Variants in BCAR3 observed in about 807,000 individuals in gnomAD.
The protein encoded by BCAR3 is breast cancer anti-estrogen resistance protein 3.
A neutral mutation model predicts 80.1 loss-of-function variants in BCAR3; 37 were observed. That is an observed-to-expected ratio of 0.46 (90% CI 0.36 to 0.61). BCAR3 has a LOEUF of 0.61. Among genes scored for constraint, BCAR3 ranks in the 20% least tolerant of loss-of-function variants. The pLI is 0.00. For missense variants in BCAR3, 978 were observed against 1,068.2 expected, an observed-to-expected ratio of 0.92 and a Z score of 1.18; for synonymous variants, 389 against 418.9, an observed-to-expected ratio of 0.93 and a Z score of 0.87.
intron 3 of BCAR3, among the ~76,000 whole-genome samples, chr1:93,606,831 G>A (rs1674785126): frequency 6.6e-6 from 1 of 152,210 alleles, no homozygotes; most frequent in Admixed American, 6.5e-5. Flanking sequence ...AAGGACACAG[G>A]AGAACAAACA....
upstream of BCAR3, among the ~76,000 whole-genome samples, chr1:93,683,524 T>A (rs1571042608): frequency 6.6e-6 from 1 of 152,220 alleles, no homozygotes; most frequent in Admixed American, 6.5e-5. Context: ...TATCTCTTTA[T>A]GACGGCCAAA....
At chr1:93,595,929 C>T (rs1184024229) in intron 3 of BCAR3, among the ~76,000 whole-genome samples, 1 of 152,216 alleles carries the variant, frequency 6.6e-6, no homozygotes, top group Non-Finnish European at 1.5e-5. Flanking sequence ...TTTCGCTTTT[C>T]TGCTGCCACG....
At chr1:93,688,799 TTTG>T (rs943329039) in intron 3 of BCAR3, among the ~76,000 whole-genome samples, 9 of 150,332 alleles carry the variant, frequency 6.0e-5, no homozygotes, top group Non-Finnish European at 1.3e-4. Context: ...TGTTTGTTTG[TTTG>T]TTTTTTGTAT....
chr1:93,641,289 A>T (rs182714157), intron 3 of BCAR3, among the ~76,000 whole-genome samples: 1 of 152,324 alleles, frequency 6.6e-6, no homozygotes, highest in East Asian at 1.9e-4. Flanking sequence ...AGGAAATGGC[A>T]GAACTCTGGG....
chr1:93,685,498 A>G (rs1045873989), upstream of BCAR3, among the ~76,000 whole-genome samples: 6 of 152,232 alleles, frequency 3.9e-5, no homozygotes, highest in African/African-American at 1.4e-4. Context: ...ATTAGTACAG[A>G]GGGACTCTCT....
At chr1:93,682,307 G>C (rs546317503), upstream of BCAR3, among the ~76,000 whole-genome samples, 1 of 152,200 alleles carries the variant, frequency 6.6e-6, no homozygotes, top group East Asian at 1.9e-4. Context: ...GATTTGGTGG[G>C]GTGAAAAATT....
chr1:93,636,741 C>T (rs1373948332), intron 3 of BCAR3, among the ~76,000 whole-genome samples: 3 of 152,046 alleles, frequency 2.0e-5, no homozygotes, highest in African/African-American at 7.2e-5. Context: ...CAGCTTAAAC[C>T]ACCCCTAGAA....
chr1:93,589,081 C>G lies in BCAR3; in HGVS notation c.825G>C (p.Glu275Asp), dbSNP rs749717638. The change falls in exon 5 of 12, where the codon GAG becomes GAC. Residue 275 changes from glutamate (E) to aspartate (D), a missense_variant. By Grantham distance (45) the Glu-to-Asp change is conservative. Coordinates refer to ENST00000260502, the MANE Select transcript of BCAR3 (RefSeq NM_003567.4). The stretch of plus-strand genomic sequence containing the variant: ...CCGGCCTTCCCTTGGTGAGGCTGCC[C>G]TCCCGGGCCTGGCCTGGGGAGGTGC... The part of the protein sequence containing the change: ...HYGTSPGQAR[E>D]GSLTKGRPDV... 9.3e-6 allele frequency: 15 copies of G among 1,612,438 alleles called. No homozygotes were observed. Among genetic ancestry groups the G allele is most frequent in the Admixed American group, 1.7e-5 (1 of 59,964 alleles).
intron 2 of BCAR3, among the ~76,000 whole-genome samples, chr1:93,837,020 T>C (rs574722364): frequency 2.0e-5 from 3 of 152,202 alleles, no homozygotes; most frequent in Middle Eastern, 3.4e-3. Flanking sequence ...CCTGCACCCA[T>C]GTGATTAAAA....
At chr1:93,835,574 C>T (rs951947975) in intron 2 of BCAR3, among the ~76,000 whole-genome samples, 1 of 152,062 alleles carries the variant, frequency 6.6e-6, no homozygotes, top group African/African-American at 2.4e-5. Flanking sequence ...ATAACCTCTT[C>T]CATGTAGGTT....
intron 3 of BCAR3, among the ~76,000 whole-genome samples, chr1:93,598,104 A>G (rs909089554): frequency 6.6e-6 from 1 of 152,184 alleles, no homozygotes; most frequent in African/African-American, 2.4e-5. Context: ...AGAAACCCAC[A>G]TTTCAGCAGC....
At chr1:93,729,267 G>A (rs1333607041) in intron 2 of BCAR3, among the ~76,000 whole-genome samples, 1 of 151,968 alleles carries the variant, frequency 6.6e-6, no homozygotes, top group Non-Finnish European at 1.5e-5. Context: ...GCTTAGCCTT[G>A]CCTCCCTTAA....
chr1:93,694,488 C>T (rs1649317321), intron 3 of BCAR3, among the ~76,000 whole-genome samples: 1 of 152,216 alleles, frequency 6.6e-6, no homozygotes, highest in Admixed American at 6.5e-5. Flanking sequence ...CTCCACTCTC[C>T]ATGGCTCTCC....
At chr1:93,668,747 C>T (rs1454556821) in intron 2 of BCAR3, among the ~76,000 whole-genome samples, 3 of 148,526 alleles carry the variant, frequency 2.0e-5, no homozygotes, top group East Asian at 2.0e-4. Flanking sequence ...GTTCTACTCT[C>T]GTCATCCAGG....
intron 2 of BCAR3, among the ~76,000 whole-genome samples, chr1:93,782,728 G>A (rs1652806220): frequency 6.6e-6 from 1 of 152,198 alleles, no homozygotes; most frequent in African/African-American, 2.4e-5. Flanking sequence ...GGCTTGGGAA[G>A]CAATGATAAC....
At chr1:93,802,028 G>A (rs759462376) in intron 2 of BCAR3, among the ~76,000 whole-genome samples, 10 of 151,748 alleles carry the variant, frequency 6.6e-5, no homozygotes, top group South Asian at 6.2e-4. Flanking sequence ...TGAGGCAGGA[G>A]AATCACCTGA....
At chr1:93,603,165 G>GA (rs895384033) in intron 3 of BCAR3, among the ~76,000 whole-genome samples, 1 of 152,140 alleles carries the variant, frequency 6.6e-6, no homozygotes, top group South Asian at 2.1e-4. Flanking sequence ...AGTTCAAAGA[G>GA]AAAAAAATTC....
chr1:93,739,029 T>A (rs1034859847), intron 2 of BCAR3, among the ~76,000 whole-genome samples: 2 of 152,100 alleles, frequency 1.3e-5, no homozygotes, highest in Non-Finnish European at 2.9e-5. Context: ...CTGCCTCTAA[T>A]CTCCTGGAAT....
chr1:93,571,873 G>T, intron 8 of BCAR3, 32 bp from the exon 9 acceptor site: 1 of 1,596,970 alleles, frequency 6.3e-7, no homozygotes. Flanking sequence ...GTCAGGTTCA[G>T]GGCCAATGGG....
Sources: allele counts gnomAD v4.1 joint callset (sites outside exome capture counted in the v4.1 genomes callset), GRCh38; gene constraint gnomAD v4.1.1; transcripts MANE v1.5; gene names NCBI Gene and HGNC (gene_info 2026-07-23, HGNC 2026-07-21).